Variants in ARHGAP42 observed in about 807,000 individuals in gnomAD.
ARHGAP42 encodes Rho GTPase activating protein 42.
ARHGAP42 carries 63 observed loss-of-function variants against 125.0 expected under a neutral mutation model. The observed-to-expected ratio is 0.50, with a 90% CI of 0.41 to 0.62. The LOEUF (loss-of-function observed/expected upper bound fraction) is 0.62. Among genes scored for constraint, ARHGAP42 ranks in the 20% least tolerant of loss-of-function variants. The pLI is 0.00. For missense variants in ARHGAP42, 766 were observed against 1,024.2 expected (o/e 0.75, Z 3.44); for synonymous variants, 339 against 351.0 (o/e 0.97, Z 0.38).
chr11:100,711,677 A>T (rs1250249728), intron 1 of ARHGAP42, among the ~76,000 whole-genome samples: 3 of 152,262 alleles, frequency 2.0e-5, no homozygotes, highest in African/African-American at 7.2e-5. Flanking sequence ...AGTAAACTTA[A>T]ATTGGTGATG....
intron 6 of ARHGAP42, among the ~76,000 whole-genome samples, chr11:100,926,169 G>A (rs1867416692): frequency 6.6e-6 from 1 of 152,162 alleles, no homozygotes; most frequent in Admixed American, 6.6e-5. Context: ...TATGTCCTTT[G>A]AGCCTACTTA....
chr11:100,705,438 GCTT>G (rs1452842307), intron 1 of ARHGAP42, among the ~76,000 whole-genome samples: 1 of 152,162 alleles, frequency 6.6e-6, no homozygotes, highest in Non-Finnish European at 1.5e-5. Flanking sequence ...ACATCACCTG[GCTT>G]CTTTTGTGAG....
intron 3 of ARHGAP42, among the ~76,000 whole-genome samples, chr11:100,795,537 C>T (rs1165785239): frequency 1.3e-5 from 2 of 152,122 alleles, no homozygotes; most frequent in East Asian, 3.9e-4. Flanking sequence ...TGAGACAATT[C>T]ATGGAAGGAG....
intron 4 of ARHGAP42, among the ~76,000 whole-genome samples, chr11:100,876,241 C>A (rs1356554738): frequency 1.3e-5 from 2 of 152,078 alleles, no homozygotes; most frequent in Non-Finnish European, 2.9e-5. Flanking sequence ...ACAGACACCA[C>A]AAATTTTTAT....
intron 4 of ARHGAP42, among the ~76,000 whole-genome samples, chr11:100,884,323 G>A (rs1047634763): frequency 1.3e-5 from 2 of 152,048 alleles, no homozygotes; most frequent in African/African-American, 4.8e-5. Flanking sequence ...TGTTGTTCTT[G>A]CTGTTGGTTT....
At chr11:100,714,566 T>A (rs1259121053) in intron 1 of ARHGAP42, among the ~76,000 whole-genome samples, 1 of 152,156 alleles carries the variant, frequency 6.6e-6, no homozygotes, top group Non-Finnish European at 1.5e-5. Context: ...GTTGAGCACA[T>A]GTGACAGCCA....
chr11:100,982,565 G>C (rs1037466507), intron 22 of ARHGAP42, among the ~76,000 whole-genome samples: 2 of 152,168 alleles, frequency 1.3e-5, no homozygotes, highest in Non-Finnish European at 2.9e-5. Flanking sequence ...GCTAGGCTGT[G>C]TCTTACCATT....
rs77577105 is a variant in ARHGAP42, at chr11:100,935,679, G to C, written c.703-524G>C. On this transcript the variant is annotated intron_variant, in intron 7 of 23. Coordinates refer to ENST00000298815, the MANE Select transcript of ARHGAP42 (RefSeq NM_152432.4). ...GGTCACACACACACACACACACACA[G>C]AGAGAGAGAGAGAGAGATTCAAAGA... Among the ~76,000 whole-genome samples the C allele has an allele frequency of 8.6e-3, 734 of 84,988 alleles. 3 individuals are homozygous for C. The highest frequency in any genetic ancestry group is 0.03 in the African/African-American group (592 of 19,448). 55.8% of individuals were successfully genotyped at this position (84,988 alleles called of 152,430 possible).
intron 6 of ARHGAP42, among the ~76,000 whole-genome samples, chr11:100,928,791 T>C (rs577149071): frequency 3.3e-5 from 5 of 152,264 alleles, no homozygotes; most frequent in African/African-American, 4.8e-5. Context: ...CCATTAATAC[T>C]GAAACACCAC....
chr11:100,785,558 A>T (rs957693162), intron 2 of ARHGAP42, among the ~76,000 whole-genome samples: 24 of 152,124 alleles, frequency 1.6e-4, no homozygotes, highest in African/African-American at 5.3e-4. Flanking sequence ...AAGGAAGTGG[A>T]TGTTGAGGCT....
At chr11:100,719,104 T>C (rs1051352271) in intron 1 of ARHGAP42, among the ~76,000 whole-genome samples, 4 of 152,252 alleles carry the variant, frequency 2.6e-5, no homozygotes, top group East Asian at 1.9e-4. Flanking sequence ...ATTGGACTAA[T>C]TGAAAAACTT....
At chr11:100,925,155 T>G (rs1867386011) in intron 6 of ARHGAP42, among the ~76,000 whole-genome samples, 1 of 151,974 alleles carries the variant, frequency 6.6e-6, no homozygotes, top group African/African-American at 2.4e-5. Flanking sequence ...TTAAACTCAG[T>G]TCTCTATAAG....
chr11:100,917,015 T>TGTGTG (rs1867084530), intron 5 of ARHGAP42, among the ~76,000 whole-genome samples: 1 of 149,508 alleles, frequency 6.7e-6, no homozygotes, highest in Non-Finnish European at 1.5e-5. Context: ...TAAAATAAGT[T>TGTGTG]TGTGTGTGTG....
intron 7 of ARHGAP42, among the ~76,000 whole-genome samples, chr11:100,934,108 A>G (rs1867661934): frequency 6.6e-6 from 1 of 152,212 alleles, no homozygotes; most frequent in Admixed American, 6.5e-5. Context: ...TTTTTAAGAC[A>G]GCAAAATTTC....
intron 3 of ARHGAP42, among the ~76,000 whole-genome samples, chr11:100,812,696 G>A (rs1591202083): frequency 6.6e-6 from 1 of 152,326 alleles, no homozygotes; most frequent in South Asian, 2.1e-4. Context: ...AAGTACAAAG[G>A]TCCTGAGGCT....
In ARHGAP42 at chr11:100,941,694, G is replaced by T. The variant is rs74939980; in HGVS notation, c.833-90G>T. ...CTAGCATGGTATAGGAGAGATAATC[G>T]GTTGTATATCATAGCACTGGAGAAT... On this transcript the variant is annotated intron_variant, in intron 8 of 23. Coordinates refer to ENST00000298815, the MANE Select transcript of ARHGAP42 (RefSeq NM_152432.4). 2.6e-5 allele frequency: 18 copies of T among 690,766 alleles called. No individual in the cohort carries two copies. In the South Asian group the frequency reaches 3.6e-4, roughly 14 times the overall value. The allele number at this position is 690,766 out of a possible 1,614,324, so 42.8% of individuals were successfully genotyped here.
intron 4 of ARHGAP42, among the ~76,000 whole-genome samples, chr11:100,893,112 C>A (rs2135194937): frequency 6.6e-6 from 1 of 151,200 alleles, no homozygotes; most frequent in African/African-American, 2.4e-5. Flanking sequence ...GTTGAGGGAT[C>A]ATTTTATGAG....
chr11:100,921,538 A>T lies in ARHGAP42; in HGVS notation c.531A>T (p.Ala177=). The T allele has an allele frequency of 6.5e-7, 1 of 1,547,688 alleles. No individual in the cohort carries two copies. Among genetic ancestry groups the T allele is most frequent in the Non-Finnish European group, 8.7e-7 (1 of 1,145,284 alleles). Residue 177 remains alanine, a synonymous_variant, in exon 6 of 24, where the codon GCA becomes GCT. Coordinates refer to ENST00000298815, the MANE Select transcript of ARHGAP42 (RefSeq NM_152432.4). ...IDREHQNFYE[A]SLEYVFKIQE... ...GAGAACATCAGAACTTCTATGAAGC[A>T]TCATTAGAATATGTCTTTAAAATTC...
chr11:100,988,664 A>G lies in ARHGAP42; in HGVS notation c.2537-49A>G, dbSNP rs779407206. The G allele has an allele frequency of 1.8e-5, 26 of 1,432,744 alleles. No individual in the cohort carries two copies. In the East Asian group the frequency reaches 6.2e-4, roughly 34 times the overall value. The allele number at this position is 1,432,744 out of a possible 1,614,324, so 88.8% of individuals were successfully genotyped here. A position where few individuals can be genotyped will look rare whatever the true frequency, so the allele number is the denominator to read the frequency against. On this transcript the variant is annotated intron_variant, in intron 23 of 23. Transcript: ENST00000298815. ...GTTTAACCCATCTGTTTATATAATT[A>G]TTTGACACTAATGTTGACTGAGTGC...
Sources: gnomAD v4.1 joint callset for allele counts (sites outside exome capture counted in the v4.1 genomes callset) on GRCh38, gnomAD v4.1.1 for gene constraint, MANE v1.5 for transcripts, NCBI Gene and HGNC (gene_info 2026-07-23, HGNC 2026-07-21) for gene names.